The following MYO16 variants were observed in gnomAD, a reference collection of about 807,000 sequenced individuals.
The protein encoded by MYO16 is myosin XVI.
A neutral mutation model predicts 205.3 loss-of-function variants in MYO16; 94 were observed. That is an observed-to-expected ratio of 0.46 (90% confidence interval 0.39 to 0.54). The LOEUF is 0.54. MYO16 is among the 20% of genes least tolerant of loss of function. The probability of loss-of-function intolerance (pLI) is 0.00; values close to 1 mark genes in which losing one functional copy is unlikely to be tolerated. For missense variants in MYO16, 2,315 were observed against 2,387.5 expected (o/e 0.97, Z 0.63); for synonymous variants, 988 against 954.0 (o/e 1.04, Z -0.66).
intron 13 of MYO16, chr13:108,886,456 C>T (rs1879891248): frequency 2.2e-6 from 1 of 456,128 alleles, no homozygotes; most frequent in Non-Finnish European, 4.4e-6. Flanking sequence ...CGTGCGGACA[C>T]GAGAGAGTAA....
At chr13:108,583,541 C>A in the MYO16 span, among the ~76,000 whole-genome samples, 5 of 152,058 alleles carry the variant, frequency 3.3e-5, no homozygotes, top group Admixed American at 3.3e-4. Flanking sequence ...ATATTATAAT[C>A]CAGTGATATA....
chr13:108,996,464 T>G (rs1171061453), intron 21 of MYO16, among the ~76,000 whole-genome samples: 1 of 152,172 alleles, frequency 6.6e-6, no homozygotes, highest in Non-Finnish European at 1.5e-5. Flanking sequence ...GTTGATGAAA[T>G]TTTTAAAAAT....
chr13:108,709,891 C>G (rs1364003857), intron 2 of MYO16, among the ~76,000 whole-genome samples: 2 of 134,208 alleles, frequency 1.5e-5, no homozygotes, highest in African/African-American at 5.5e-5. Context: ...TAATATGGTT[C>G]CATCTTGATC....
At chr13:108,518,157 G>T in the MYO16 span, among the ~76,000 whole-genome samples, 1 of 152,126 alleles carries the variant, frequency 6.6e-6, no homozygotes, top group Non-Finnish European at 1.5e-5. Context: ...ATCCTGGGAA[G>T]GTTTACCGGG....
rs374717186 is a variant in MYO16, at chr13:108,666,061, A to G, written c.204A>G (p.Lys68=). Residue 68 remains lysine (K), a synonymous_variant, in exon 2 of 35, where the codon AAA becomes AAG. Transcript: ENST00000457511. The stretch of plus-strand genomic sequence containing the variant: ...TTCAGAAGCAGGAAGGGTTCCTGAA[A>G]AGGCTGAAGCATGCGAAGAATCCGA... ...KAFQKQEGFL[K]RLKHAKNPKV... is the part of the protein sequence containing the mutation. 7.9e-5 allele frequency: 127 copies of G among 1,614,150 alleles called. No individual in the cohort carries two copies. Among genetic ancestry groups the G allele is most frequent in the Middle Eastern group, 4.9e-4 (3 of 6,062 alleles).
At chr13:109,198,319 A>G (rs1205836840) in intron 34 of MYO16, among the ~76,000 whole-genome samples, 2 of 152,174 alleles carry the variant, frequency 1.3e-5, no homozygotes, top group Non-Finnish European at 2.9e-5. Context: ...GACTCCTGAA[A>G]ATACAAACCC....
At chr13:108,524,411 C>T in the MYO16 span, among the ~76,000 whole-genome samples, 1 of 152,170 alleles carries the variant, frequency 6.6e-6, no homozygotes, top group Non-Finnish European at 1.5e-5. Flanking sequence ...TACCTGCTTC[C>T]CCTTCACCTT....
At chr13:109,203,971 T>G (rs1880501972) in intron 34 of MYO16, among the ~76,000 whole-genome samples, 1 of 152,188 alleles carries the variant, frequency 6.6e-6, no homozygotes, top group Admixed American at 6.5e-5. Flanking sequence ...GTGGTTTATC[T>G]TCCTTCCAGA....
chr13:108,534,634 C>A, the MYO16 span, among the ~76,000 whole-genome samples: 1 of 151,222 alleles, frequency 6.6e-6, no homozygotes. Context: ...TAAAAAAAAA[C>A]CCTCAAAGAG....
intron 20 of MYO16, among the ~76,000 whole-genome samples, chr13:108,990,520 A>AC (rs1438698991): frequency 6.6e-6 from 1 of 152,050 alleles, no homozygotes; most frequent in Non-Finnish European, 1.5e-5. Flanking sequence ...AAATCAGAAA[A>AC]AAAAATTGCA....
chr13:109,048,309 A>G (rs768933696), intron 24 of MYO16: 19 of 742,866 alleles, frequency 2.6e-5, no homozygotes, highest in East Asian at 2.2e-4. Context: ...CCAGGAAAAA[A>G]CAATTCAGTC....
intron 23 of MYO16, among the ~76,000 whole-genome samples, chr13:109,034,714 C>T (rs1018632486): frequency 1.3e-5 from 2 of 152,152 alleles, no homozygotes; most frequent in Non-Finnish European, 2.9e-5. Flanking sequence ...CCCTGATAAC[C>T]TCCTCAATCC....
At chr13:108,805,907 T>C (rs550612787) in intron 6 of MYO16, among the ~76,000 whole-genome samples, 1 of 98,476 alleles carries the variant, frequency 1.0e-5, no homozygotes, top group South Asian at 4.6e-4. Context: ...CACAACATGG[T>C]TAAAACTAGT....
intron 2 of MYO16, among the ~76,000 whole-genome samples, chr13:108,695,584 A>G (rs892397405): frequency 6.6e-5 from 10 of 151,958 alleles, no homozygotes; most frequent in African/African-American, 2.4e-4. Context: ...GGATTTCGAT[A>G]GGGTGGATCA....
intron 12 of MYO16, among the ~76,000 whole-genome samples, chr13:108,869,107 C>T (rs1191546789): frequency 2.6e-5 from 4 of 152,082 alleles, no homozygotes; most frequent in African/African-American, 9.7e-5. Context: ...AATTACTGGC[C>T]TTTTCCTTTA....
At chr13:108,810,033 C>G (rs1418396154) in intron 7 of MYO16, among the ~76,000 whole-genome samples, 1 of 152,172 alleles carries the variant, frequency 6.6e-6, no homozygotes, top group Non-Finnish European at 1.5e-5. Flanking sequence ...TGTCCTGATC[C>G]ATTGATGGTT....
chr13:108,713,188 T>C (rs1032724694), intron 3 of MYO16, among the ~76,000 whole-genome samples: 1 of 152,136 alleles, frequency 6.6e-6, no homozygotes, highest in African/African-American at 2.4e-5. Flanking sequence ...TATTATATTA[T>C]AAATAACTGC....
chr13:108,671,641 C>G (rs1439559186), intron 2 of MYO16, among the ~76,000 whole-genome samples: 1 of 152,104 alleles, frequency 6.6e-6, no homozygotes, highest in East Asian at 1.9e-4. Context: ...ATATTTGGCT[C>G]TAGAGGGTGT....
At chr13:108,810,587 T>C (rs1279763537) in intron 7 of MYO16, among the ~76,000 whole-genome samples, 1 of 152,200 alleles carries the variant, frequency 6.6e-6, no homozygotes, top group Non-Finnish European at 1.5e-5. Context: ...AAAGATGTCA[T>C]TTAGTATGCA....
Sources: allele counts gnomAD v4.1 joint callset (sites outside exome capture counted in the v4.1 genomes callset), GRCh38; gene constraint gnomAD v4.1.1; transcripts MANE v1.5; gene names NCBI Gene and HGNC (gene_info 2026-07-23, HGNC 2026-07-21).